Variants in WDR43 observed in about 807,000 individuals in gnomAD.
The protein encoded by WDR43 is WD repeat domain 43.
A neutral mutation model predicts 91.4 loss-of-function variants in WDR43; 13 were observed. That is an observed-to-expected ratio of 0.14 (90% CI 0.09 to 0.23). The LOEUF is 0.23. WDR43 is among the 10% of genes least tolerant of loss of function. The probability of loss-of-function intolerance (pLI) is 1.00; values close to 1 mark genes in which losing one functional copy is unlikely to be tolerated. For synonymous variants in WDR43, 331 were observed against 287.9 expected (o/e 1.15, Z -1.51); for missense variants, 780 against 809.4 (o/e 0.96, Z 0.44).
At chr2:28,941,417 T>C in intron 14 of WDR43, 44 bp from the exon 15 acceptor site, 1 of 1,468,424 alleles carries the variant, frequency 6.8e-7, no homozygotes, top group Non-Finnish European at 9.4e-7. Context: ...GTGTTCGTCA[T>C]CTCTAATACG....
At chr2:28,936,635 G>A (rs1671341803) in intron 12 of WDR43, among the ~76,000 whole-genome samples, 1 of 152,126 alleles carries the variant, frequency 6.6e-6, no homozygotes, top group Non-Finnish European at 1.5e-5. Flanking sequence ...TTATCTATTA[G>A]CAGTCACTCT....
In WDR43 at chr2:28,926,475, A is replaced by C. The variant is rs1342009209; in HGVS notation, c.1094A>C (p.Asn365Thr). 5 of 1,560,132 alleles carry C rather than the reference A, an allele frequency of 3.2e-6. No homozygotes were observed. The highest frequency in any genetic ancestry group is 4.3e-6 in the Non-Finnish European group (5 of 1,151,058). ...FQPTIERVAL[N>T]SREPHMCLVR... ...AAAAAAATATATTTTCAGGCTTTAA[A>C]CTCCAGAGAACCTCATATGTGTTTA... Residue 365 changes from asparagine to threonine, a missense_variant, in exon 9 of 18, where the codon AAC (asparagine) becomes ACC (threonine). Asn to Thr is a moderately conservative substitution (Grantham distance 65). This residue lies in a region of WDR43 where 426 missense variants were observed against 467.8 expected (regional missense o/e 0.91). Coordinates refer to ENST00000407426, the MANE Select transcript of WDR43 (RefSeq NM_015131.3).
At chr2:28,904,014 A>T (rs1395222609) in intron 2 of WDR43, among the ~76,000 whole-genome samples, 1 of 152,100 alleles carries the variant, frequency 6.6e-6, no homozygotes, top group Non-Finnish European at 1.5e-5. Flanking sequence ...CATGTTGGCC[A>T]TGCTGGTGTC....
rs1558382511 is a variant in WDR43, at chr2:28,935,745, GACAAAA to G, written c.1524+140_1524+145del. 23 of 139,826 alleles carry G rather than the reference GACAAAA, an allele frequency of 1.6e-4. No individual in the cohort carries two copies. In the South Asian group the frequency reaches 3.8e-3, roughly 23 times the overall value. The allele number at this position is 139,826 out of a possible 1,614,324, so 8.7% of individuals were successfully genotyped here. On this transcript the variant is annotated intron_variant, in intron 12 of 17. Transcript: ENST00000407426. The stretch of plus-strand genomic sequence containing the variant: ...GTAATGGATGGAGGAAAGTACTTTA[GACAAAA>G]AAAAAAAAAAAAAAAAAGTGAAATT...
At chr2:28,914,308 C>T in intron 5 of WDR43, 100 bp downstream of exon 5, 1 of 1,342,944 alleles carries the variant, frequency 7.4e-7, no homozygotes, top group Non-Finnish European at 9.9e-7. Flanking sequence ...TTTGTTGTAT[C>T]TAATGTTGGA....
rs1369508464 is a variant in WDR43 at position 28,941,601 on chromosome 2, A to G, written c.1734+27A>G. 5 of 1,547,634 alleles carry G rather than the reference A, an allele frequency of 3.2e-6. No homozygotes were observed. In the South Asian group the frequency reaches 4.6e-5, roughly 14 times the overall value. On this transcript the variant is annotated intron_variant, in intron 15 of 17. Transcript: ENST00000407426. ...TGAGTAAATCATATTGTTCTGGGCT[A>G]AAACTTTTGGACATGGTAGGAATGG... is the stretch of plus-strand genomic sequence containing the variant.
At chr2:28,943,259 T>C (rs1429009842) in intron 16 of WDR43, among the ~76,000 whole-genome samples, 1 of 151,242 alleles carries the variant, frequency 6.6e-6, no homozygotes, top group Admixed American at 6.6e-5. Flanking sequence ...TGCTTCAGCC[T>C]CTAGAGTAGC....
chr2:28,910,316 ACG>A (rs1553326462), intron 3 of WDR43, among the ~76,000 whole-genome samples: 1 of 152,210 alleles, frequency 6.6e-6, no homozygotes, highest in Non-Finnish European at 1.5e-5. Flanking sequence ...ATATGTATCA[ACG>A]TAGTAAGTAT....
chr2:28,912,566 C>CT lies in WDR43; in HGVS notation c.486-16dup, dbSNP rs760079484. ...AAGTTTTCTCTCATGTATTGAGATG[C>CT]TTTTTTTTCTCTTCACAATATAGCA... On this transcript the variant is annotated intron_variant, in intron 3 of 17. Coordinates refer to ENST00000407426, the MANE Select transcript of WDR43 (RefSeq NM_015131.3). 3.6e-5 allele frequency: 58 copies of CT among 1,600,902 alleles called. No homozygotes were observed. In the East Asian group the frequency reaches 8.1e-4, roughly 22 times the overall value.
chr2:28,930,865 A>G (rs760665545), intron 11 of WDR43, among the ~76,000 whole-genome samples: 4 of 152,210 alleles, frequency 2.6e-5, no homozygotes, highest in Non-Finnish European at 5.9e-5. Flanking sequence ...ATTTGTTGAT[A>G]GTCTCACTTG....
At chr2:28,912,401 CAAT>C (rs1670819741) in intron 3 of WDR43, among the ~76,000 whole-genome samples, 186 bp from the exon 4 acceptor site, 1 of 152,178 alleles carries the variant, frequency 6.6e-6, no homozygotes, top group Admixed American at 6.5e-5. Context: ...GGAATGCAAT[CAAT>C]GAAGCTTTTA....
At chr2:28,901,507 T>C (rs138524793) in intron 1 of WDR43, among the ~76,000 whole-genome samples, 332 of 152,342 alleles carry the variant, frequency 2.2e-3, no homozygotes, top group African/African-American at 7.8e-3. Context: ...GTAAAAACTT[T>C]TGAGGCTCTT....
intron 1 of WDR43, among the ~76,000 whole-genome samples, chr2:28,899,715 G>A (rs1045222197): frequency 6.6e-6 from 1 of 152,118 alleles, no homozygotes; most frequent in Admixed American, 6.6e-5. Flanking sequence ...TATTTAGTAT[G>A]GGTAATACTT....
intron 1 of WDR43, among the ~76,000 whole-genome samples, chr2:28,900,439 C>T (rs1031772545): frequency 1.3e-5 from 2 of 152,198 alleles, no homozygotes; most frequent in Non-Finnish European, 2.9e-5. Context: ...GCCTCAGCCT[C>T]CCAAAGTGCT....
intron 3 of WDR43, among the ~76,000 whole-genome samples, chr2:28,907,286 A>G (rs930503032): frequency 6.6e-6 from 1 of 152,086 alleles, no homozygotes. Flanking sequence ...TGCTCTTTTT[A>G]GTTCTGGTAC....
At chr2:28,905,204 A>G (rs925470145) in intron 2 of WDR43, among the ~76,000 whole-genome samples, 1 of 152,226 alleles carries the variant, frequency 6.6e-6, no homozygotes, top group Non-Finnish European at 1.5e-5. Flanking sequence ...GAGGAGGGGC[A>G]TACTAGGGGA....
At position 28,922,817 on chromosome 2, in the gene WDR43, G is replaced by A. The variant is rs927113595; in HGVS notation, c.850-102G>A. ...GCTGTGTTTTTTTTTTTTTTTTTCTGGTTGTGTAATGGGGTGGGAAGGACA... is the reference window on the plus strand; with the variant it reads ...GCTGTGTTTTTTTTTTTTTTTTTCTAGTTGTGTAATGGGGTGGGAAGGACA... On this transcript the variant is annotated intron_variant, in intron 6 of 17. Transcript: ENST00000407426. 4 of 276,908 alleles carry A rather than the reference G, an allele frequency of 1.4e-5. No individual in the cohort carries two copies. In the African/African-American group the frequency reaches 1.9e-4, roughly 13 times the overall value. 17.2% of individuals were successfully genotyped at this position (276,908 alleles called of 1,614,324 possible).
intron 8 of WDR43, 137 bp from the exon 9 acceptor site, chr2:28,926,331 C>A: frequency 1.6e-6 from 1 of 643,858 alleles, no homozygotes; most frequent in Non-Finnish European, 2.6e-6. Flanking sequence ...GGAAGTCTTC[C>A]ATACTTTTTA....
At chr2:28,902,207 G>T (rs1469518388) in intron 2 of WDR43, 83 bp downstream of exon 2, 5 of 1,418,558 alleles carry the variant, frequency 3.5e-6, no homozygotes, top group Non-Finnish European at 4.7e-6. Context: ...ACACTTCAAG[G>T]TATGTGATGG....
Sources: gnomAD v4.1 joint callset for allele counts (sites outside exome capture counted in the v4.1 genomes callset) on GRCh38, gnomAD v4.1.1 for gene constraint, gnomAD v4.1.1 regional missense constraint, MANE v1.5 for transcripts, NCBI Gene and HGNC (gene_info 2026-07-23, HGNC 2026-07-21) for gene names.